Variants in RBMS3 observed in about 807,000 individuals in gnomAD.
RBMS3 encodes RNA binding motif single stranded interacting protein 3, also known as RNA-binding motif, single-stranded-interacting protein 3.
In RBMS3, 27 loss-of-function variants were observed where a neutral mutation model predicts 66.8. That is an observed-to-expected ratio of 0.40 (90% CI 0.30 to 0.56). The LOEUF is 0.56. RBMS3 is among the 20% of genes least tolerant of loss of function. The pLI is 0.40. For missense variants in RBMS3, 513 were observed against 549.5 expected (o/e 0.93, Z 0.66); for synonymous variants, 188 against 183.0 (o/e 1.03, Z -0.22).
chr3:29,635,749 T>C (rs1463075048), intron 4 of RBMS3, among the ~76,000 whole-genome samples: 1 of 151,894 alleles, frequency 6.6e-6, no homozygotes, highest in Non-Finnish European at 1.5e-5. Flanking sequence ...CCTATTCTCT[T>C]GAAACGTTAG....
intron 1 of RBMS3, among the ~76,000 whole-genome samples, chr3:29,366,858 T>A (rs1015801982): frequency 6.6e-5 from 10 of 152,162 alleles, no homozygotes; most frequent in Non-Finnish European, 1.3e-4. Flanking sequence ...TTGCCATTTT[T>A]AAAAAATCTA....
At chr3:29,975,679 A>G (rs556026448) in intron 12 of RBMS3, among the ~76,000 whole-genome samples, 4 of 151,978 alleles carry the variant, frequency 2.6e-5, no homozygotes, top group South Asian at 4.1e-4. Flanking sequence ...ATTCTGTTCC[A>G]TTAGTCTATT....
At position 29,775,297 on chromosome 3, in the gene RBMS3, G is replaced by A. The variant is rs549917929; in HGVS notation, c.637+12308G>A. Among the ~76,000 whole-genome samples, 8 of 148,556 alleles carry A rather than the reference G, an allele frequency of 5.4e-5. No individual in the cohort carries two copies. The South Asian group carries it at 6.4e-4, about 12-fold the overall frequency. ...TTTTTTGGTAAACAAGCATTCAGGC[G>A]CCTAATCTATAGTGAGTGTTTTGTT... On this transcript the variant is annotated intron_variant, in intron 6 of 14. Coordinates refer to ENST00000383767, the MANE Select transcript of RBMS3 (RefSeq NM_001003793.3).
chr3:29,402,123 GA>G (rs573217275), intron 1 of RBMS3, among the ~76,000 whole-genome samples: 29 of 151,992 alleles, frequency 1.9e-4, no homozygotes, highest in Non-Finnish European at 3.5e-4. Context: ...TGACGGTGAT[GA>G]AAAAAAGCCC....
chr3:29,469,955 ATAAT>A, intron 2 of RBMS3, among the ~76,000 whole-genome samples: 1 of 147,946 alleles, frequency 6.8e-6, no homozygotes, highest in Non-Finnish European at 1.5e-5. Flanking sequence ...ACATATTTAA[ATAAT>A]TTATATGAAA....
At chr3:29,637,907 T>A (rs2049533106) in intron 4 of RBMS3, among the ~76,000 whole-genome samples, 1 of 151,862 alleles carries the variant, frequency 6.6e-6, no homozygotes, top group East Asian at 1.9e-4. Flanking sequence ...AAGCCACTGG[T>A]AGTAGTTAGA....
chr3:29,434,359 T>C (rs1472633158), intron 1 of RBMS3, among the ~76,000 whole-genome samples: 2 of 152,132 alleles, frequency 1.3e-5, no homozygotes, highest in African/African-American at 4.8e-5. Flanking sequence ...CCAAAGATGC[T>C]TGGGTATTAA....
chr3:29,694,452 T>C (rs764591494), intron 4 of RBMS3, among the ~76,000 whole-genome samples: 11 of 152,204 alleles, frequency 7.2e-5, no homozygotes, highest in Non-Finnish European at 1.2e-4. Context: ...AAATATTTCA[T>C]AGGGCTGTCT....
intron 6 of RBMS3, among the ~76,000 whole-genome samples, chr3:29,832,303 GCAATAAAT>G: frequency 6.6e-6 from 1 of 152,066 alleles, no homozygotes; most frequent in Non-Finnish European, 1.5e-5. Flanking sequence ...TGATGTCTAG[GCAATAAAT>G]CTATAAAGCA....
At chr3:29,623,397 C>G (rs2048945748) in intron 4 of RBMS3, among the ~76,000 whole-genome samples, 1 of 151,594 alleles carries the variant, frequency 6.6e-6, no homozygotes, top group Admixed American at 6.6e-5. Context: ...TCGAGACCAT[C>G]CTGGCTAACA....
At chr3:29,982,702 T>A (rs1698077755) in intron 12 of RBMS3, among the ~76,000 whole-genome samples, 1 of 152,238 alleles carries the variant, frequency 6.6e-6, no homozygotes, top group South Asian at 2.1e-4. Flanking sequence ...GGTTGTTCAT[T>A]TTCCACGTAG....
At chr3:29,341,019 C>T (rs1293202245) in intron 1 of RBMS3, among the ~76,000 whole-genome samples, 2 of 151,846 alleles carry the variant, frequency 1.3e-5, no homozygotes, top group Non-Finnish European at 2.9e-5. Flanking sequence ...ATCATAAGCG[C>T]CATACCACTC....
At chr3:29,731,280 C>T (rs1424564794) in intron 4 of RBMS3, among the ~76,000 whole-genome samples, 1 of 152,156 alleles carries the variant, frequency 6.6e-6, no homozygotes, top group Non-Finnish European at 1.5e-5. Flanking sequence ...TAAGTAAATG[C>T]TTCTTTTTAA....
intron 9 of RBMS3, among the ~76,000 whole-genome samples, chr3:29,899,109 G>A (rs2060194229): frequency 6.6e-6 from 1 of 151,562 alleles, no homozygotes. Flanking sequence ...GTACATTTAA[G>A]AATAGTTGGC....
chr3:29,354,825 C>A (rs945011871), intron 1 of RBMS3, among the ~76,000 whole-genome samples: 1 of 152,154 alleles, frequency 6.6e-6, no homozygotes, highest in Non-Finnish European at 1.5e-5. Flanking sequence ...ACTTTTCCTT[C>A]ATGGCCTCTG....
chr3:29,691,967 T>TTTTTTTTTTTTTTTTTTG (rs1559574585), intron 4 of RBMS3, among the ~76,000 whole-genome samples: 1 of 144,346 alleles, frequency 6.9e-6, no homozygotes, highest in Non-Finnish European at 1.5e-5. Context: ...TTTTTTTTTT[T>TTTTTTTTTTTTTTTTTTG]GAGATGGAGT....
intron 4 of RBMS3, among the ~76,000 whole-genome samples, chr3:29,737,454 A>G (rs1485419138): frequency 6.6e-6 from 1 of 152,208 alleles, no homozygotes; most frequent in Admixed American, 6.5e-5. Flanking sequence ...AGATAGGAAA[A>G]TTAGTCACTA....
At chr3:29,579,112 C>T (rs2047234579) in intron 3 of RBMS3, among the ~76,000 whole-genome samples, 1 of 152,114 alleles carries the variant, frequency 6.6e-6, no homozygotes. Flanking sequence ...ATACATGCTT[C>T]CTAAAGGGGT....
At chr3:29,631,150 A>G (rs2049268185) in intron 4 of RBMS3, among the ~76,000 whole-genome samples, 1 of 151,986 alleles carries the variant, frequency 6.6e-6, no homozygotes, top group South Asian at 2.1e-4. Flanking sequence ...TTGCATTATA[A>G]CTATCACTGT....
Sources: gnomAD v4.1 joint callset for allele counts (sites outside exome capture counted in the v4.1 genomes callset) on GRCh38, gnomAD v4.1.1 for gene constraint, MANE v1.5 for transcripts, NCBI Gene and HGNC (gene_info 2026-07-23, HGNC 2026-07-21) for gene names.